The following USP37 variants were observed in gnomAD, a reference collection of about 807,000 sequenced individuals.
USP37 encodes ubiquitin carboxyl-terminal hydrolase 37.
In USP37, 27 loss-of-function variants were observed where a neutral mutation model predicts 124.0. The ratio of observed to expected loss-of-function variants is 0.22; its 90% CI spans 0.16 to 0.30. The LOEUF is 0.30. USP37 is among the 10% of genes least tolerant of loss of function. The pLI is 1.00. For synonymous variants in USP37, 365 were observed against 388.0 expected (o/e 0.94, Z 0.70); for missense variants, 889 against 1,140.4 (o/e 0.78, Z 3.17).
At chr2:218,506,250 T>G (rs960803580) in intron 11 of USP37, among the ~76,000 whole-genome samples, 2 of 151,702 alleles carry the variant, frequency 1.3e-5, no homozygotes, top group Admixed American at 1.3e-4. Flanking sequence ...GGGTGTATTC[T>G]TTGCCTTTTT....
At chr2:218,553,467 G>T in intron 5 of USP37, 86 bp downstream of exon 5, 1 of 1,263,804 alleles carries the variant, frequency 7.9e-7, no homozygotes, top group South Asian at 1.9e-5. Flanking sequence ...TTAATGTGCT[G>T]ATGAATTCAG....
chr2:218,533,101 A>G (rs1024590471), intron 9 of USP37, among the ~76,000 whole-genome samples: 1 of 152,116 alleles, frequency 6.6e-6, no homozygotes, highest in African/African-American at 2.4e-5. Context: ...CTACATCTGC[A>G]ATATCTCTGA....
At chr2:218,467,882 G>GTTTTTTTTTTTTTTTTTTTTTTT (rs950614019) in intron 20 of USP37, among the ~76,000 whole-genome samples, 1 of 147,742 alleles carries the variant, frequency 6.8e-6, no homozygotes, top group African/African-American at 2.6e-5. Context: ...AACATTTCAT[G>GTTTTTTTTTTTTTTTTTTTTTTT]TTTTTTTTGT....
At chr2:218,538,171 T>C (rs1181378326) in intron 8 of USP37, among the ~76,000 whole-genome samples, 2 of 152,202 alleles carry the variant, frequency 1.3e-5, no homozygotes, top group African/African-American at 4.8e-5. Context: ...TGGTACAAAC[T>C]GCAAATAAAC....
rs762192573 is a variant in USP37, at chr2:218,534,723, T to C, written c.681-17A>G. 2.0e-6 allele frequency: 3 copies of C among 1,511,034 alleles called. No individual in the cohort carries two copies. The Admixed American group carries it at 5.7e-5, about 29-fold the overall frequency. 93.6% of individuals were successfully genotyped at this position (1,511,034 alleles called of 1,614,324 possible). The stretch of plus-strand genomic sequence containing the variant: ...TTGTTGTTCCTATAGTTAATAATTT[T>C]ACATCAATATAGTACAGGTGTATAA... On this transcript the variant is annotated splice_polypyrimidine_tract_variant and intron_variant, in intron 8 of 25. Transcript: ENST00000258399.
chr2:218,551,817 G>C (rs1186897372), intron 5 of USP37, among the ~76,000 whole-genome samples: 6 of 150,688 alleles, frequency 4.0e-5, no homozygotes, highest in Admixed American at 3.3e-4. Flanking sequence ...TTTTGAGATG[G>C]AGTCTCACTC....
chr2:218,534,730 A>T, intron 8 of USP37, 24 bp from the exon 9 acceptor site: 2 of 1,477,140 alleles, frequency 1.4e-6, no homozygotes, highest in Non-Finnish European at 1.9e-6. Flanking sequence ...TTTTACATCA[A>T]TATAGTACAG....
chr2:218,473,286 G>T, intron 20 of USP37: 1 of 152,182 alleles, frequency 6.6e-6, no homozygotes, highest in Non-Finnish European at 1.5e-5. Flanking sequence ...AATCAGGAAG[G>T]GACAAAAGCA....
chr2:218,507,073 CAG>C (rs1407187804), intron 11 of USP37, among the ~76,000 whole-genome samples: 1 of 152,044 alleles, frequency 6.6e-6, no homozygotes. Flanking sequence ...GCTAGGTTTA[CAG>C]GTGTGAGTGG....
At chr2:218,567,748 T>C (rs541749620) in intron 1 of USP37, among the ~76,000 whole-genome samples, 5 of 152,312 alleles carry the variant, frequency 3.3e-5, no homozygotes, top group Admixed American at 1.3e-4. Flanking sequence ...CGCAAGGAAA[T>C]GCACAACAAA....
chr2:218,546,801 A>G, intron 7 of USP37, 118 bp downstream of exon 7: 1 of 1,148,276 alleles, frequency 8.7e-7, no homozygotes, highest in South Asian at 1.5e-5. Flanking sequence ...ACTTGTAATC[A>G]TTACATCTAC....
rs1689161796 is a variant in USP37 at position 218,497,871 on chromosome 2, A to C, written c.1158-14T>G. On this transcript the variant is annotated splice_polypyrimidine_tract_variant and intron_variant, in intron 12 of 25. Coordinates refer to ENST00000258399, the MANE Select transcript of USP37 (RefSeq NM_020935.3). ...TGTGCAAAGCGTCTAGTAAAACAAA[A>C]AACACAAAGTTAGCACGTTTTACAT... 1 of 1,610,758 alleles carries C rather than the reference A, an allele frequency of 6.2e-7. No individual in the cohort carries two copies. Among genetic ancestry groups the C allele is most frequent in the Non-Finnish European group, 8.5e-7 (1 of 1,178,840 alleles).
chr2:218,543,522 A>C (rs1485186654), intron 8 of USP37, among the ~76,000 whole-genome samples: 4 of 150,522 alleles, frequency 2.7e-5, no homozygotes, highest in Admixed American at 6.6e-5. Context: ...AAAAAAAAAA[A>C]AAAAAACAGG....
intron 20 of USP37, among the ~76,000 whole-genome samples, chr2:218,472,422 T>C (rs1690743586): frequency 6.6e-6 from 1 of 152,080 alleles, no homozygotes; most frequent in Admixed American, 6.6e-5. Context: ...TAATTGCAGA[T>C]ATTATAATAC....
intron 10 of USP37, among the ~76,000 whole-genome samples, chr2:218,514,662 T>C (rs1049370119): frequency 1.3e-5 from 2 of 152,234 alleles, no homozygotes; most frequent in African/African-American, 4.8e-5. Flanking sequence ...TATAGGGAGA[T>C]ACTTTTGAGA....
intron 8 of USP37, among the ~76,000 whole-genome samples, chr2:218,545,097 T>G (rs1320793868): frequency 4.6e-5 from 7 of 152,194 alleles, no homozygotes. Flanking sequence ...TATGGAAGAA[T>G]AGTGAACTGG....
At chr2:218,538,965 C>CT (rs752768100) in intron 8 of USP37, among the ~76,000 whole-genome samples, 23 of 151,876 alleles carry the variant, frequency 1.5e-4, no homozygotes, top group Admixed American at 7.2e-4. Flanking sequence ...TTTAATGCTA[C>CT]TTTATTTTAT....
chr2:218,546,405 T>G, intron 7 of USP37, 107 bp from the exon 8 acceptor site: 1 of 690,784 alleles, frequency 1.4e-6, no homozygotes, highest in Non-Finnish European at 2.4e-6. Context: ...TATTATCTAA[T>G]TCTCTACACC....
rs189606803 is a variant in USP37 at position 218,524,830 on chromosome 2, G to A, written c.863+5126C>T. Among the ~76,000 whole-genome samples the A allele has an allele frequency of 3.4e-3, 522 of 152,260 alleles. 4 individuals are homozygous for A. Among genetic ancestry groups the A allele is most frequent in the African/African-American group, 0.012 (504 of 41,548 alleles). On this transcript the variant is annotated intron_variant, in intron 10 of 25. Coordinates refer to ENST00000258399, the MANE Select transcript of USP37 (RefSeq NM_020935.3). ...TCGCCATGTTGGCCAGGCTGGTCTCGAACTCCTGACCTCAGGTGATCCACC... is the reference window on the plus strand; with the variant it reads ...TCGCCATGTTGGCCAGGCTGGTCTCAAACTCCTGACCTCAGGTGATCCACC...
Sources: gnomAD v4.1 joint callset for allele counts (sites outside exome capture counted in the v4.1 genomes callset) on GRCh38, gnomAD v4.1.1 for gene constraint, MANE v1.5 for transcripts, NCBI Gene and HGNC (gene_info 2026-07-23, HGNC 2026-07-21) for gene names.